Variants in GALNT17 observed in about 807,000 individuals in gnomAD.
GALNT17 encodes polypeptide N-acetylgalactosaminyltransferase 17.
A neutral mutation model predicts 63.7 loss-of-function variants in GALNT17; 29 were observed. The ratio of observed to expected loss-of-function variants is 0.46; its 90% CI spans 0.34 to 0.62. The LOEUF (loss-of-function observed/expected upper bound fraction) is 0.62. Among genes scored for constraint, GALNT17 ranks in the 20% least tolerant of loss-of-function variants. The probability of loss-of-function intolerance (pLI) is 0.01; values close to 1 mark genes in which losing one functional copy is unlikely to be tolerated. For missense variants in GALNT17, 603 were observed against 799.6 expected, an observed-to-expected ratio of 0.75 and a Z score of 2.97; for synonymous variants, 305 against 318.3, an observed-to-expected ratio of 0.96 and a Z score of 0.45.
chr7:71,463,879 G>C (rs1313988927), intron 5 of GALNT17, among the ~76,000 whole-genome samples: 2 of 152,244 alleles, frequency 1.3e-5, no homozygotes, highest in Admixed American at 1.3e-4. Context: ...GATTTGGCAG[G>C]CTTCTTTACT....
chr7:71,530,889 C>G (rs1485341136), intron 5 of GALNT17, among the ~76,000 whole-genome samples: 2 of 152,010 alleles, frequency 1.3e-5, no homozygotes, highest in African/African-American at 4.8e-5. Flanking sequence ...TTTTAACAAG[C>G]TCTCCAGTTA....
intron 1 of GALNT17, among the ~76,000 whole-genome samples, chr7:71,245,981 C>G (rs1262514384): frequency 6.6e-6 from 1 of 151,396 alleles, no homozygotes; most frequent in African/African-American, 2.4e-5. Flanking sequence ...AGTACATACT[C>G]CGAGCCATAA....
chr7:71,467,298 GTC>G (rs1454298231), intron 5 of GALNT17, among the ~76,000 whole-genome samples: 2 of 152,274 alleles, frequency 1.3e-5, no homozygotes, highest in East Asian at 3.9e-4. Flanking sequence ...CAGGCCACAT[GTC>G]TCTGTTTCAT....
At chr7:71,247,430 C>A (rs1466737203) in intron 1 of GALNT17, among the ~76,000 whole-genome samples, 1 of 152,052 alleles carries the variant, frequency 6.6e-6, no homozygotes, top group African/African-American at 2.4e-5. Context: ...ACTTCAGGCT[C>A]CTAGAAACTT....
At chr7:71,481,376 G>A (rs1305825961) in intron 5 of GALNT17, among the ~76,000 whole-genome samples, 1 of 152,158 alleles carries the variant, frequency 6.6e-6, no homozygotes, top group African/African-American at 2.4e-5. Context: ...GCTTGAACCC[G>A]GGAGGCAGAG....
At chr7:71,711,503 C>T (rs1447890810) in intron 10 of GALNT17, among the ~76,000 whole-genome samples, 2 of 151,368 alleles carry the variant, frequency 1.3e-5, no homozygotes, top group East Asian at 3.9e-4. Flanking sequence ...TCTCCTATTG[C>T]ACTCTCTCTC....
chr7:71,401,316 C>T (rs898964743), intron 3 of GALNT17, among the ~76,000 whole-genome samples: 9 of 152,072 alleles, frequency 5.9e-5, no homozygotes, highest in East Asian at 1.9e-4. Flanking sequence ...AGGCTGGTCT[C>T]GAACTTCTGA....
At chr7:71,549,441 G>A (rs560453134) in intron 5 of GALNT17, among the ~76,000 whole-genome samples, 6 of 152,206 alleles carry the variant, frequency 3.9e-5, no homozygotes, top group African/African-American at 1.2e-4. Context: ...GGTGGTGCAT[G>A]CCTGTAGTCC....
chr7:71,377,238 C>T (rs984800935), intron 2 of GALNT17, among the ~76,000 whole-genome samples: 11 of 150,054 alleles, frequency 7.3e-5, no homozygotes, highest in Non-Finnish European at 1.5e-4. Context: ...GAAAGCTGAG[C>T]CCCACAAATT....
intron 5 of GALNT17, among the ~76,000 whole-genome samples, chr7:71,566,711 T>G (rs1270298162): frequency 2.6e-5 from 4 of 151,230 alleles, no homozygotes; most frequent in African/African-American, 9.8e-5. Context: ...TAGGAGGGGT[T>G]AGCGTAGGTC....
At chr7:71,535,485 A>G (rs1179730541) in intron 5 of GALNT17, among the ~76,000 whole-genome samples, 1 of 152,196 alleles carries the variant, frequency 6.6e-6, no homozygotes, top group East Asian at 1.9e-4. Flanking sequence ...GTACAGAAAA[A>G]AAGAGGGCAG....
intron 1 of GALNT17, among the ~76,000 whole-genome samples, chr7:71,191,889 AAGG>A (rs1193402585): frequency 2.6e-5 from 4 of 152,204 alleles, no homozygotes; most frequent in Non-Finnish European, 5.9e-5. Context: ...GGGGGCTTAT[AAGG>A]AGAATTGACT....
rs141502097 is a variant in GALNT17 at position 71,498,721 on chromosome 7, C to T, written c.963-72564C>T. On this transcript the variant is annotated intron_variant, in intron 5 of 10. Transcript: ENST00000333538. ...TGACTGGGGACTGGGGAGTAGAGGA[C>T]GCTTTGTTGTGTCTGTGAAGCATCA... is the stretch of plus-strand genomic sequence containing the variant. 2.2e-3 allele frequency among the ~76,000 whole-genome samples: 334 copies of T among 152,180 alleles called. 3 individuals carry two copies. Among genetic ancestry groups the T allele is most frequent in the African/African-American group, 7.7e-3 (318 of 41,540 alleles).
At chr7:71,481,505 C>G (rs1787817049) in intron 5 of GALNT17, among the ~76,000 whole-genome samples, 1 of 152,186 alleles carries the variant, frequency 6.6e-6, no homozygotes, top group Admixed American at 6.5e-5. Flanking sequence ...TGTGCTGGGC[C>G]TGGCTGAACT....
chr7:71,377,766 C>T (rs1792772169), intron 2 of GALNT17, among the ~76,000 whole-genome samples: 1 of 152,006 alleles, frequency 6.6e-6, no homozygotes, highest in Admixed American at 6.6e-5. Context: ...CCCATGTTGT[C>T]CTTGTGATAT....
chr7:71,576,567 T>TGTG (rs1562697675), intron 6 of GALNT17, among the ~76,000 whole-genome samples: 1 of 71,944 alleles, frequency 1.4e-5, no homozygotes, highest in African/African-American at 5.0e-5. Flanking sequence ...GTGTGTGTGT[T>TGTG]TTGTTTGTTT....
At chr7:71,264,539 C>T (rs1227979439) in intron 1 of GALNT17, among the ~76,000 whole-genome samples, 1 of 152,104 alleles carries the variant, frequency 6.6e-6, no homozygotes, top group Admixed American at 6.5e-5. Context: ...CTGTTCATTG[C>T]AGCAGTATTC....
At chr7:71,547,156 CTTA>C (rs566358604) in intron 5 of GALNT17, among the ~76,000 whole-genome samples, 4 of 148,976 alleles carry the variant, frequency 2.7e-5, no homozygotes, top group Admixed American at 6.7e-5. Flanking sequence ...CACACCCAGT[CTTA>C]TTATTATTAT....
chr7:71,455,166 C>CA (rs535222662), intron 5 of GALNT17, among the ~76,000 whole-genome samples: 181 of 127,488 alleles, frequency 1.4e-3, no homozygotes, highest in African/African-American at 2.4e-3. Context: ...AATCTTGTTT[C>CA]AAAAAAAAAA....
Sources: gnomAD v4.1 joint callset for allele counts (sites outside exome capture counted in the v4.1 genomes callset) on GRCh38, gnomAD v4.1.1 for gene constraint, MANE v1.5 for transcripts, NCBI Gene and HGNC (gene_info 2026-07-23, HGNC 2026-07-21) for gene names.